The following CSMD1 variants were observed in gnomAD, a reference collection of about 807,000 sequenced individuals.
CSMD1 encodes the protein CUB and sushi domain-containing protein 1.
In CSMD1, 213 loss-of-function variants were observed where a neutral mutation model predicts 417.5. The observed-to-expected ratio is 0.51, with a 90% CI of 0.46 to 0.57. The LOEUF is 0.57. Among genes scored for constraint, CSMD1 ranks in the 20% least tolerant of loss-of-function variants. The pLI is 0.00. For missense variants in CSMD1, 6,923 were observed against 4,529.7 expected (o/e 1.53, Z -15.17); for synonymous variants, 2,862 against 1,736.8 (o/e 1.65, Z -16.11).
At chr8:4,019,346 G>C (rs564504415) in intron 4 of CSMD1, among the ~76,000 whole-genome samples, 1 of 152,276 alleles carries the variant, frequency 6.6e-6, no homozygotes, top group South Asian at 2.1e-4. Flanking sequence ...CTGGGAGGGA[G>C]AGTTTTGTGT....
Position 3,708,499 on chromosome 8 carries a change from A to C in CSMD1, c.932-8T>G, listed in dbSNP as rs775138399. 1.2e-6 allele frequency: 2 copies of C among 1,613,296 alleles called. No individual in the cohort carries two copies. Among genetic ancestry groups the C allele is most frequent in the Non-Finnish European group, 1.7e-6 (2 of 1,179,308 alleles). ...ACTCAATCGCCTTTTTCACTGGAAGAAACAAAACCAAGCCATTAGCAGGTA... is the reference window on the plus strand; with the variant it reads ...ACTCAATCGCCTTTTTCACTGGAAGCAACAAAACCAAGCCATTAGCAGGTA... On this transcript the variant is annotated splice_polypyrimidine_tract_variant and splice_region_variant and intron_variant, in intron 6 of 69. Coordinates refer to ENST00000635120, the MANE Select transcript of CSMD1 (RefSeq NM_033225.6).
chr8:3,575,457 C>T (rs1800112113), intron 9 of CSMD1, among the ~76,000 whole-genome samples: 1 of 152,100 alleles, frequency 6.6e-6, no homozygotes, highest in Admixed American at 6.5e-5. Context: ...TGTGCGACTG[C>T]AGTAAGATAG....
At chr8:4,355,657 C>G (rs1356106448) in intron 3 of CSMD1, among the ~76,000 whole-genome samples, 1 of 152,156 alleles carries the variant, frequency 6.6e-6, no homozygotes, top group African/African-American at 2.4e-5. Context: ...AGCAAGCATG[C>G]TATAAAACCT....
chr8:3,683,560 G>C (rs773799364), intron 7 of CSMD1, among the ~76,000 whole-genome samples: 2 of 152,166 alleles, frequency 1.3e-5, no homozygotes, highest in African/African-American at 2.4e-5. Context: ...GAAACCAAAA[G>C]AAAAATGAAA....
At chr8:3,893,797 G>C (rs899033951) in intron 5 of CSMD1, among the ~76,000 whole-genome samples, 15 of 152,036 alleles carry the variant, frequency 9.9e-5, no homozygotes, top group African/African-American at 3.6e-4. Flanking sequence ...TTCCCCTATA[G>C]AGAGCATGCA....
rs117251055 is a variant in CSMD1 at position 4,138,257 on chromosome 8, C to T, written c.416-106158G>A. On this transcript the variant is annotated intron_variant, in intron 3 of 69. Transcript: ENST00000635120. ...TCTAACTGATGGGTTTTCCTTTTCT[C>T]CTGGCTATGCCATAAACTAAATGGC... Among the ~76,000 whole-genome samples the T allele has an allele frequency of 7.4e-4, 104 of 141,464 alleles. 2 individuals are homozygous for T. Among genetic ancestry groups the T allele is most frequent in the Non-Finnish European group, 1.2e-3 (80 of 65,748 alleles). 92.8% of individuals were successfully genotyped at this position (141,464 alleles called of 152,430 possible).
intron 1 of CSMD1, among the ~76,000 whole-genome samples, chr8:4,819,983 T>C (rs1799430108): frequency 6.6e-6 from 1 of 152,234 alleles, no homozygotes; most frequent in Admixed American, 6.5e-5. Flanking sequence ...TTGTAATTGG[T>C]AAACCTATGT....
At chr8:3,989,168 C>G (rs1814555362) in intron 5 of CSMD1, among the ~76,000 whole-genome samples, 1 of 152,190 alleles carries the variant, frequency 6.6e-6, no homozygotes, top group Admixed American at 6.5e-5. Flanking sequence ...CAAGCGTCTG[C>G]TCATTTGCTC....
intron 7 of CSMD1, among the ~76,000 whole-genome samples, chr8:3,684,558 T>C (rs990946212): frequency 6.6e-6 from 1 of 151,186 alleles, no homozygotes; most frequent in East Asian, 1.9e-4. Context: ...TCTTTCTATA[T>C]CATCATTGTT....
rs562419797 is a variant in CSMD1 at position 4,138,205 on chromosome 8, A to ATTTT, written c.416-106110_416-106107dup. On this transcript the variant is annotated intron_variant, in intron 3 of 69. Transcript: ENST00000635120. Reference sequence around the variant, plus strand: ...GCTGGGATTACAGGCGCAGCCTTACATTTTTTTTTTTTTTTTTTTTCAGGT... The same window carrying ATTTT: ...GCTGGGATTACAGGCGCAGCCTTACATTTTTTTTTTTTTTTTTTTTTTTTCAGGT... Among the ~76,000 whole-genome samples, 3 of 69,464 alleles carry ATTTT rather than the reference A, an allele frequency of 4.3e-5. 1 individual carries two copies. In the East Asian group the frequency reaches 1.1e-3, roughly 25 times the overall value. The allele number at this position is 69,464 out of a possible 152,430, so 45.6% of individuals were successfully genotyped here. A position where few individuals can be genotyped will look rare whatever the true frequency, so the allele number is the denominator to read the frequency against.
intron 5 of CSMD1, among the ~76,000 whole-genome samples, chr8:3,893,769 C>T (rs907398767): frequency 6.6e-6 from 1 of 152,034 alleles, no homozygotes; most frequent in Non-Finnish European, 1.5e-5. Context: ...TTCAAGAAAG[C>T]TATCTTCAGT....
At chr8:3,451,026 G>A (rs1192352346) in intron 12 of CSMD1, among the ~76,000 whole-genome samples, 34 of 152,240 alleles carry the variant, frequency 2.2e-4, no homozygotes, top group African/African-American at 4.3e-4. Context: ...GTGAGATGGT[G>A]TCTCATTGTG....
At chr8:4,190,795 G>C (rs1169576732) in intron 3 of CSMD1, among the ~76,000 whole-genome samples, 1 of 152,122 alleles carries the variant, frequency 6.6e-6, no homozygotes, top group African/African-American at 2.4e-5. Context: ...CATGTCCTCT[G>C]CAGGGACATG....
At chr8:4,357,866 T>A (rs1801517997) in intron 3 of CSMD1, among the ~76,000 whole-genome samples, 1 of 152,134 alleles carries the variant, frequency 6.6e-6, no homozygotes, top group Non-Finnish European at 1.5e-5. Flanking sequence ...ATTTATCATA[T>A]TTTAATGCTA....
chr8:3,010,122 G>A (rs926480636), intron 52 of CSMD1, among the ~76,000 whole-genome samples: 10 of 152,114 alleles, frequency 6.6e-5, no homozygotes, highest in East Asian at 1.9e-4. Context: ...ATCCACCGCA[G>A]GTGCGCATCT....
intron 7 of CSMD1, among the ~76,000 whole-genome samples, chr8:3,635,178 G>A (rs1796972133): frequency 6.6e-6 from 1 of 152,116 alleles, no homozygotes; most frequent in Non-Finnish European, 1.5e-5. Flanking sequence ...GCTGTGCACT[G>A]CTGTAGAAAC....
chr8:3,995,056 G>C (rs17068459), intron 5 of CSMD1, among the ~76,000 whole-genome samples: 1,950 of 152,238 alleles, frequency 0.013, 53 homozygotes, highest in African/African-American at 0.044. Flanking sequence ...CGGGAATGGG[G>C]AAACCTTTTA....
intron 2 of CSMD1, among the ~76,000 whole-genome samples, chr8:4,507,398 C>G (rs905207099): frequency 6.4e-4 from 97 of 152,146 alleles, no homozygotes; most frequent in Non-Finnish European, 1.1e-3. Flanking sequence ...AACATAGACT[C>G]CAAATATTTG....
chr8:3,529,209 G>C (rs867014347), intron 10 of CSMD1, among the ~76,000 whole-genome samples: 12 of 152,170 alleles, frequency 7.9e-5, no homozygotes, highest in Admixed American at 6.5e-4. Flanking sequence ...CCAAAGTCAA[G>C]AGTTGTGTTA....
Sources: gnomAD v4.1 joint callset for allele counts (sites outside exome capture counted in the v4.1 genomes callset) on GRCh38, gnomAD v4.1.1 for gene constraint, MANE v1.5 for transcripts, NCBI Gene and HGNC (gene_info 2026-07-23, HGNC 2026-07-21) for gene names.